Variants in PGF observed in about 807,000 individuals in gnomAD.
PGF encodes placental growth factor.
PGF carries 11 observed loss-of-function variants against 25.3 expected under a neutral mutation model. That is an observed-to-expected ratio of 0.43 (90% CI 0.27 to 0.72). The LOEUF (loss-of-function observed/expected upper bound fraction) is 0.72. PGF is among the 30% of genes least tolerant of loss of function. The probability of loss-of-function intolerance (pLI) is 0.18; values close to 1 mark genes in which losing one functional copy is unlikely to be tolerated. For missense variants in PGF, 230 were observed against 234.9 expected (o/e 0.98, Z 0.14); for synonymous variants, 105 against 97.9 (o/e 1.07, Z -0.43).
At chr14:74,946,915 A>C (rs781155573) in intron 4 of PGF, 31 of 746,208 alleles carry the variant, frequency 4.2e-5, no homozygotes, top group Non-Finnish European at 7.4e-5. Flanking sequence ...TGAAGTCACC[A>C]GGCATGTCTG....
At chr14:74,952,645 T>A (rs2140409428) in intron 2 of PGF, among the ~76,000 whole-genome samples, 1 of 152,346 alleles carries the variant, frequency 6.6e-6, no homozygotes, top group Admixed American at 6.5e-5. Context: ...TTTTGAGAGC[T>A]GGGGTGCAAA....
rs761626020 is a variant in PGF at position 74,942,729 on chromosome 14, C to T, written c.490G>A (p.Gly164Ser). 4.7e-5 allele frequency: 75 copies of T among 1,610,336 alleles called. 1 individual carries two copies. The highest frequency in any genetic ancestry group is 2.4e-4 in the Admixed American group (14 of 59,282). The change falls in exon 7 of 7, where the codon GGC becomes AGC. Residue 164 changes from glycine (G) to serine (S), a missense_variant. By Grantham distance (56) the Gly-to-Ser change is moderately conservative. Transcript: ENST00000555567. ...KQRPTDCHLCGDAVPRR is the reference protein window; with the variant it reads ...KQRPTDCHLCSDAVPRR ...GGTTACCTCCGGGGAACAGCATCGC[C>T]GCACCTGCCAGAGACCAAGCACAGA... is the stretch of plus-strand genomic sequence containing the variant.
Position 74,955,449 on chromosome 14 carries a change from C to T in PGF, c.-207G>A. 2 of 395,372 alleles carry T rather than the reference C, an allele frequency of 5.1e-6. No individual in the cohort carries two copies. Among genetic ancestry groups the T allele is most frequent in the Non-Finnish European group, 8.9e-6 (2 of 223,660 alleles). 24.5% of individuals were successfully genotyped at this position (395,372 alleles called of 1,614,324 possible). A position where few individuals can be genotyped will look rare whatever the true frequency, so the allele number is the denominator to read the frequency against. ...TAGGTAAGGCTGTGGCTGGGGAACC[C>T]GACGGGGAGCGGCCCGGCGGGGCGG... is the stretch of plus-strand genomic sequence containing the variant. On this transcript the variant is annotated 5_prime_UTR_variant, in exon 1 of 7. Coordinates refer to ENST00000555567, the MANE Select transcript of PGF (RefSeq NM_002632.6). The surrounding 1 kb of genome is among the most constrained non-coding windows in gnomAD (Gnocchi z 4.1).
Position 74,950,591 on chromosome 14 carries a change from A to C in PGF, c.119-1038T>G, listed in dbSNP as rs558570585. On this transcript the variant is annotated intron_variant, in intron 2 of 6. Transcript: ENST00000555567. The surrounding 1 kb of genome is among the most constrained non-coding windows in gnomAD (Gnocchi z 4.1). Reference sequence around the variant, plus strand: ...AGGACCAGGCCCCAAATAGAGGCTCACAGGGAGAGTGGCCAGAGTCAGACA... The same window carrying C: ...AGGACCAGGCCCCAAATAGAGGCTCCCAGGGAGAGTGGCCAGAGTCAGACA... Among the ~76,000 whole-genome samples, 1 of 152,294 alleles carries C rather than the reference A, an allele frequency of 6.6e-6. No homozygotes were observed. The highest frequency in any genetic ancestry group is 2.1e-4 in the South Asian group (1 of 4,824).
Position 74,953,400 on chromosome 14 carries a change from T to A in PGF, c.118+504A>T, listed in dbSNP as rs906086776. ...CTCTTGATGCAACCAGGGCGGGGAGTGGAGGGGCCAGGGAGGGCGCGACTA... is the reference window on the plus strand; with the variant it reads ...CTCTTGATGCAACCAGGGCGGGGAGAGGAGGGGCCAGGGAGGGCGCGACTA... On this transcript the variant is annotated intron_variant, in intron 2 of 6. Coordinates refer to ENST00000555567, the MANE Select transcript of PGF (RefSeq NM_002632.6). The surrounding 1 kb of genome is among the most constrained non-coding windows in gnomAD (Gnocchi z 5.4). 2.0e-5 allele frequency among the ~76,000 whole-genome samples: 3 copies of A among 151,896 alleles called. No homozygotes were observed. The highest frequency in any genetic ancestry group is 4.4e-5 in the Non-Finnish European group (3 of 67,984).
At chr14:74,948,636 G>A (rs61759380) in intron 3 of PGF, 53 bp from the exon 4 acceptor site, 184 of 1,174,438 alleles carry the variant, frequency 1.6e-4, no homozygotes, top group Non-Finnish European at 1.5e-4. Flanking sequence ...ACGAGTTTCC[G>A]GCACTCTTCT....
At chr14:74,943,665 G>A (rs180902694) in intron 6 of PGF, among the ~76,000 whole-genome samples, 11 of 152,312 alleles carry the variant, frequency 7.2e-5, no homozygotes, top group Admixed American at 3.3e-4. Flanking sequence ...CAGTCTGGCA[G>A]GAAGTAACAT....
chr14:74,946,274 TC>T lies in PGF; in HGVS notation c.423del (p.Arg142GlyfsTer69). ...CTCTTCCCCCTGCCCTTGGGTCTCC[TC>T]CTGCAATAAGCCAAGCGTCAGGACA... The part of the protein sequence containing the change: ...RPLREKMKPE[R>X]RRPKGRGKRR... On this transcript the variant is annotated frameshift_variant and splice_region_variant, in exon 6 of 7. Transcript: ENST00000555567. LOFTEE classifies it high-confidence loss of function. 6.2e-7 allele frequency: 1 copy of T among 1,614,180 alleles called. No homozygotes were observed. Among genetic ancestry groups the T allele is most frequent in the South Asian group, 1.1e-5 (1 of 91,084 alleles).
rs1888917994 is a variant in PGF at position 74,953,464 on chromosome 14, G to A, written c.118+440C>T. Among the ~76,000 whole-genome samples the A allele has an allele frequency of 6.6e-6, 1 of 152,190 alleles. No homozygotes were observed. Among genetic ancestry groups the A allele is most frequent in the South Asian group, 2.1e-4 (1 of 4,838 alleles). The stretch of plus-strand genomic sequence containing the variant: ...TATAATCAATGGAAACGCATGGTCA[G>A]ATCCCGGCAGTTCCACCAGGGCTGG... On this transcript the variant is annotated intron_variant, in intron 2 of 6. Coordinates refer to ENST00000555567, the MANE Select transcript of PGF (RefSeq NM_002632.6). The surrounding 1 kb of genome is among the most constrained non-coding windows in gnomAD (Gnocchi z 5.4).
At chr14:74,948,769 CT>C (rs1888803773) in intron 3 of PGF, among the ~76,000 whole-genome samples, 186 bp from the exon 4 acceptor site, 1 of 152,220 alleles carries the variant, frequency 6.6e-6, no homozygotes, top group Admixed American at 6.5e-5. Context: ...AGGGAGGCCC[CT>C]GTCCCTCCCT....
chr14:74,944,159 G>A (rs1188900781), intron 6 of PGF, among the ~76,000 whole-genome samples: 2 of 145,760 alleles, frequency 1.4e-5, no homozygotes, highest in Admixed American at 1.4e-4. Flanking sequence ...CTGGAGTGCA[G>A]TGGCGTGATC....
Position 74,942,377 on chromosome 14 carries a change from G to T in PGF, c.*329C>A. 1 of 328,544 alleles carries T rather than the reference G, an allele frequency of 3.0e-6. No individual in the cohort carries two copies. Among genetic ancestry groups the T allele is most frequent in the South Asian group, 3.1e-5 (1 of 32,258 alleles). 20.4% of individuals were successfully genotyped at this position (328,544 alleles called of 1,614,324 possible). On this transcript the variant is annotated 3_prime_UTR_variant, in exon 7 of 7. Transcript: ENST00000555567. ...CTGAGGCCCAAGAACAGGTAGCAGGGCCCCCTTCTTTCCTTCTGCAGGCCC... is the reference window on the plus strand; with the variant it reads ...CTGAGGCCCAAGAACAGGTAGCAGGTCCCCCTTCTTTCCTTCTGCAGGCCC...
At chr14:74,943,890 A>G (rs985952705) in intron 6 of PGF, among the ~76,000 whole-genome samples, 3 of 152,222 alleles carry the variant, frequency 2.0e-5, no homozygotes, top group Admixed American at 6.5e-5. Flanking sequence ...GAAATTTAAA[A>G]TAATTCAAAC....
chr14:74,954,710 C>T (rs1262707474), intron 1 of PGF, among the ~76,000 whole-genome samples: 3 of 152,068 alleles, frequency 2.0e-5, no homozygotes, highest in Non-Finnish European at 4.4e-5. Context: ...GCCCACGGCT[C>T]AGTCCTGAGC....
chr14:74,954,235 C>T (rs1403779659), intron 1 of PGF: 7 of 451,650 alleles, frequency 1.5e-5, no homozygotes, highest in East Asian at 7.9e-5. Context: ...TCCAATCCTG[C>T]GGGTCTGCCT....
Position 74,954,220 on chromosome 14 carries a change from G to A in PGF, c.76-274C>T, listed in dbSNP as rs1377279645. The A allele has an allele frequency of 1.0e-5, 5 of 490,132 alleles. No individual in the cohort carries two copies. In the Admixed American group the frequency reaches 1.6e-4, roughly 16 times the overall value. 30.4% of individuals were successfully genotyped at this position (490,132 alleles called of 1,614,324 possible). A position where few individuals can be genotyped will look rare whatever the true frequency, so the allele number is the denominator to read the frequency against. ...GACCCTTGGCCTGCTGCATCCCAAA[G>A]ATCTTCCAATCCTGCGGGTCTGCCT... On this transcript the variant is annotated intron_variant, in intron 1 of 6. Coordinates refer to ENST00000555567, the MANE Select transcript of PGF (RefSeq NM_002632.6).
chr14:74,944,340 G>A (rs557232894), intron 6 of PGF, among the ~76,000 whole-genome samples: 2 of 152,012 alleles, frequency 1.3e-5, no homozygotes, highest in East Asian at 3.9e-4. Flanking sequence ...CTAACCTTGC[G>A]ATCCGCCCGC....
intron 4 of PGF, 123 bp from the exon 5 acceptor site, chr14:74,946,531 C>T: frequency 1.1e-6 from 1 of 891,266 alleles, no homozygotes. Context: ...ACACTGAGGC[C>T]ACTAGGGGGT....
At position 74,950,853 on chromosome 14, in the gene PGF, G is replaced by A. The variant is rs1032230832; in HGVS notation, c.119-1300C>T. On this transcript the variant is annotated intron_variant, in intron 2 of 6. Coordinates refer to ENST00000555567, the MANE Select transcript of PGF (RefSeq NM_002632.6). The surrounding 1 kb of genome is among the most constrained non-coding windows in gnomAD (Gnocchi z 4.1). ...GGGTCATCCTGCTCTGCATCTGATG[G>A]TCATCCTCAGCTAGTGGGGAAGAAT... Among the ~76,000 whole-genome samples, 1 of 152,186 alleles carries A rather than the reference G, an allele frequency of 6.6e-6. No homozygotes were observed. Among genetic ancestry groups the A allele is most frequent in the African/African-American group, 2.4e-5 (1 of 41,444 alleles).
Sources: allele counts gnomAD v4.1 joint callset (sites outside exome capture counted in the v4.1 genomes callset), GRCh38; gene constraint gnomAD v4.1.1; non-coding constraint Gnocchi (gnomAD v3.1); transcripts MANE v1.5; gene names NCBI Gene and HGNC (gene_info 2026-07-23, HGNC 2026-07-21).